STIM1: variants seen among roughly 807,000 people sequenced by gnomAD.
STIM1 encodes stromal interaction molecule 1.
STIM1 carries 25 observed loss-of-function variants against 74.7 expected under a neutral mutation model. That is an observed-to-expected ratio of 0.33 (90% confidence interval 0.24 to 0.47). The LOEUF (loss-of-function observed/expected upper bound fraction) is 0.47. Among genes scored for constraint, STIM1 ranks in the 20% least tolerant of loss-of-function variants. STIM1 has a pLI of 1.00. For synonymous variants in STIM1, 328 were observed against 348.8 expected, an observed-to-expected ratio of 0.94 and a Z score of 0.66; for missense variants, 728 against 920.8, an observed-to-expected ratio of 0.79 and a Z score of 2.71.
intron 2 of STIM1, among the ~76,000 whole-genome samples, chr11:4,012,128 C>T (rs1475458042): frequency 6.6e-6 from 1 of 152,154 alleles, no homozygotes; most frequent in Non-Finnish European, 1.5e-5. Context: ...TTACTGTAGC[C>T]TTGTAGCATA....
At chr11:3,869,807 A>G (rs1043155302) in intron 1 of STIM1, among the ~76,000 whole-genome samples, 13 of 152,198 alleles carry the variant, frequency 8.5e-5, no homozygotes, top group Non-Finnish European at 2.9e-5. Flanking sequence ...ATTGGAGGCA[A>G]TGAGCCTAGA....
intron 3 of STIM1, among the ~76,000 whole-genome samples, chr11:4,044,041 A>C (rs2094171041): frequency 6.6e-6 from 1 of 151,940 alleles, no homozygotes; most frequent in African/African-American, 2.4e-5. Flanking sequence ...GATAGGAGTT[A>C]AGTCACCCTG....
chr11:3,872,622 T>C (rs561654748), intron 1 of STIM1, among the ~76,000 whole-genome samples: 2 of 148,302 alleles, frequency 1.3e-5, no homozygotes, highest in Non-Finnish European at 1.5e-5. Flanking sequence ...CCCGGGTTCA[T>C]GCCATTCTCC....
Position 4,091,937 on chromosome 11 carries a change from A to C in STIM1, c.*139A>C, listed in dbSNP as rs1590703855. The C allele has an allele frequency of 1.8e-6, 2 of 1,133,466 alleles. No individual in the cohort carries two copies. The highest frequency in any genetic ancestry group is 2.5e-6 in the Non-Finnish European group (2 of 784,542). The allele number at this position is 1,133,466 out of a possible 1,614,324, so 70.2% of individuals were successfully genotyped here. A position where few individuals can be genotyped will look rare whatever the true frequency, so the allele number is the denominator to read the frequency against. Reference sequence around the variant, plus strand: ...GTCCAGGGGTCTGGGCACTGTACATACCTGCCCCCTCATCCTTGGGTCCTT... The same window carrying C: ...GTCCAGGGGTCTGGGCACTGTACATCCCTGCCCCCTCATCCTTGGGTCCTT... On this transcript the variant is annotated 3_prime_UTR_variant, in exon 13 of 13. Coordinates refer to ENST00000526596, the MANE Select transcript of STIM1 (RefSeq NM_001382567.1).
chr11:3,950,056 T>C (rs1219762729), intron 1 of STIM1, among the ~76,000 whole-genome samples: 7 of 152,172 alleles, frequency 4.6e-5, no homozygotes, highest in Admixed American at 3.3e-4. Context: ...CTTTTGGAAT[T>C]GGCTTCTTTC....
At chr11:4,035,345 T>C (rs1409956796) in intron 3 of STIM1, among the ~76,000 whole-genome samples, 1 of 151,438 alleles carries the variant, frequency 6.6e-6, no homozygotes, top group East Asian at 1.9e-4. Context: ...GAAGACACAA[T>C]TAATGGCAAA....
At chr11:4,015,242 T>C (rs2093884426) in intron 2 of STIM1, among the ~76,000 whole-genome samples, 1 of 152,240 alleles carries the variant, frequency 6.6e-6, no homozygotes, top group Non-Finnish European at 1.5e-5. Context: ...AAGGCAGGCC[T>C]GGTGGTGACA....
intron 2 of STIM1, among the ~76,000 whole-genome samples, chr11:4,005,292 A>G (rs2093766485): frequency 6.6e-6 from 1 of 152,206 alleles, no homozygotes; most frequent in South Asian, 2.1e-4. Flanking sequence ...GCGTATGTTT[A>G]TTGTGGCAGT....
intron 1 of STIM1, among the ~76,000 whole-genome samples, chr11:3,899,941 G>A (rs951777365): frequency 1.1e-4 from 17 of 151,858 alleles, no homozygotes; most frequent in African/African-American, 2.2e-4. Context: ...GAGGATTTTT[G>A]CATCAATGTT....
At chr11:3,932,267 A>G (rs538738685) in intron 1 of STIM1, among the ~76,000 whole-genome samples, 22 of 152,130 alleles carry the variant, frequency 1.4e-4, no homozygotes, top group African/African-American at 3.6e-4. Flanking sequence ...TGCCTTCCCT[A>G]TGGAAGTTAA....
intron 1 of STIM1, among the ~76,000 whole-genome samples, chr11:3,938,558 C>T (rs1316045410): frequency 1.3e-5 from 2 of 152,060 alleles, no homozygotes; most frequent in African/African-American, 2.4e-5. Context: ...TTTAAAATGA[C>T]AGTTTAAGGC....
chr11:3,958,759 C>T (rs1186989000), intron 1 of STIM1, among the ~76,000 whole-genome samples: 1 of 151,916 alleles, frequency 6.6e-6, no homozygotes, highest in Non-Finnish European at 1.5e-5. Context: ...CACCTCAGGT[C>T]AGGAGTTTGA....
chr11:3,892,879 G>C, intron 1 of STIM1: 1 of 1,559,898 alleles, frequency 6.4e-7, no homozygotes, highest in Admixed American at 1.7e-5. Context: ...ACACGGTGGG[G>C]TTAACCACGG....
chr11:4,091,462 C>A lies in STIM1; in HGVS notation c.1815C>A (p.Asp605Glu). Residue 605 changes from aspartate to glutamate, a missense_variant, in exon 13 of 13, where the codon GAC becomes GAA. By Grantham distance (45) the Asp-to-Glu change is conservative. Coordinates refer to ENST00000526596, the MANE Select transcript of STIM1 (RefSeq NM_001382567.1). Reference sequence around the variant, plus strand: ...GGTCTCTGGTGGAGAAACTGCCTGACAGCCCTGCCCTGGCCAAGAAGGCAT... The same window carrying A: ...GGTCTCTGGTGGAGAAACTGCCTGAAAGCCCTGCCCTGGCCAAGAAGGCAT... ...HPGSLVEKLP[D>E]SPALAKKALL... The A allele has an allele frequency of 6.2e-7, 1 of 1,614,198 alleles. No homozygotes were observed. Among genetic ancestry groups the A allele is most frequent in the Non-Finnish European group, 8.5e-7 (1 of 1,180,032 alleles).
chr11:3,915,278 C>T lies in STIM1; in HGVS notation c.140-52274C>T, dbSNP rs58887887. 8.5e-3 allele frequency among the ~76,000 whole-genome samples: 1,300 copies of T among 152,112 alleles called. 17 individuals carry two copies. Among genetic ancestry groups the T allele is most frequent in the African/African-American group, 0.03 (1,232 of 41,470 alleles). ...TAAATTTATTTTTATTTTTTAGAGACGAGATTTTGCTATGTTGCCCAGGTG... is the reference window on the plus strand; with the variant it reads ...TAAATTTATTTTTATTTTTTAGAGATGAGATTTTGCTATGTTGCCCAGGTG... On this transcript the variant is annotated intron_variant, in intron 1 of 12. Transcript: ENST00000526596.
rs552983319 is a variant in STIM1 at position 3,895,659 on chromosome 11, T to C, written c.139+39250T>C. On this transcript the variant is annotated intron_variant, in intron 1 of 12. Coordinates refer to ENST00000526596, the MANE Select transcript of STIM1 (RefSeq NM_001382567.1). ...CTTTCTTTCTTTCTTTCTTTCTTTC[T>C]TTCTTTCTTTCTTTCCTTCCTTCCT... is the stretch of plus-strand genomic sequence containing the variant. Among the ~76,000 whole-genome samples, 40 of 26,130 alleles carry C rather than the reference T, an allele frequency of 1.5e-3. 1 individual carries two copies. Among genetic ancestry groups the C allele is most frequent in the African/African-American group, 3.5e-3 (19 of 5,436 alleles). The allele number at this position is 26,130 out of a possible 152,430, so 17.1% of individuals were successfully genotyped here.
At chr11:4,037,061 C>CTTTT (rs369934998) in intron 3 of STIM1, among the ~76,000 whole-genome samples, 1 of 145,316 alleles carries the variant, frequency 6.9e-6, no homozygotes, top group African/African-American at 2.5e-5. Flanking sequence ...TTCTTTCTTT[C>CTTTT]TTTTTTTTTT....
chr11:3,950,196 C>T (rs1014606209), intron 1 of STIM1, among the ~76,000 whole-genome samples: 7 of 146,608 alleles, frequency 4.8e-5, no homozygotes, highest in East Asian at 4.0e-4. Flanking sequence ...TGGAGTGGTG[C>T]GATCTGGGCT....
At position 4,070,122 on chromosome 11, in the gene STIM1, C is replaced by T. The variant is rs751364519; in HGVS notation, c.710C>T (p.Ser237Phe). Residue 237 changes from serine (S) to phenylalanine (F), a missense_variant, in exon 6 of 13, where the codon TCC becomes TTC. This residue lies in a region of STIM1 where 132 missense variants were observed against 158.2 expected (regional missense o/e 0.83). Transcript: ENST00000526596. Reference protein sequence around the residue: ...CWFAYIQNRYSKEHMKKMMKD... With the variant: ...CWFAYIQNRYFKEHMKKMMKD... ...TTTGCCTATATCCAGAACCGTTACT[C>T]CAAGGAGCACATGAAGAAGATGATG... 1 of 1,614,116 alleles carries T rather than the reference C, an allele frequency of 6.2e-7. No individual in the cohort carries two copies. Among genetic ancestry groups the T allele is most frequent in the Non-Finnish European group, 8.5e-7 (1 of 1,180,024 alleles).
Sources: gnomAD v4.1 joint callset for allele counts (sites outside exome capture counted in the v4.1 genomes callset) on GRCh38, gnomAD v4.1.1 for gene constraint, gnomAD v4.1.1 regional missense constraint, MANE v1.5 for transcripts, NCBI Gene and HGNC (gene_info 2026-07-23, HGNC 2026-07-21) for gene names.